Variants in TIMM44 observed in about 807,000 individuals in gnomAD.
TIMM44 encodes translocase of inner mitochondrial membrane 44, also known as mitochondrial import inner membrane translocase subunit TIM44.
In TIMM44, 37 loss-of-function variants were observed where a neutral mutation model predicts 63.8. That is an observed-to-expected ratio of 0.58 (90% CI 0.45 to 0.76). The LOEUF (loss-of-function observed/expected upper bound fraction) is 0.76, where lower values mean the gene tolerates loss of function less well. Ranked by LOEUF, TIMM44 falls within the 30% of genes least tolerant of loss-of-function variation. TIMM44 has a pLI of 0.00. For synonymous variants in TIMM44, 239 were observed against 245.1 expected (o/e 0.98, Z 0.23); for missense variants, 573 against 603.8 (o/e 0.95, Z 0.54).
At chr19:7,930,434 C>T (rs938127830) in intron 10 of TIMM44, among the ~76,000 whole-genome samples, 5 of 151,632 alleles carry the variant, frequency 3.3e-5, no homozygotes, top group Non-Finnish European at 7.4e-5. Flanking sequence ...TCAGCCTCCC[C>T]AGTAGCTGGG....
chr19:7,939,612 C>CAAAA (rs34322159), intron 2 of TIMM44, among the ~76,000 whole-genome samples: 1 of 91,232 alleles, frequency 1.1e-5, no homozygotes. Context: ...GACTCCATCT[C>CAAAA]AAAAAAAAAA....
At chr19:7,935,167 CT>C (rs753419157) in intron 3 of TIMM44, 22 bp from the exon 4 acceptor site, 186,186 of 1,213,234 alleles carry the variant, frequency 0.15, 26 homozygotes, top group East Asian at 0.21. Flanking sequence ...GCGCTGTGTC[CT>C]TTTTTTTTTT....
In TIMM44 at chr19:7,938,010, G is replaced by A; in HGVS notation, c.312+17C>T. ...TCCAGCCTGGGTGAGGGAAAAAAAA[G>A]CAGCAAAGAAACTCACGTATTTCCT... On this transcript the variant is annotated intron_variant, in intron 3 of 12. Transcript: ENST00000270538. 1 of 1,613,800 alleles carries A rather than the reference G, an allele frequency of 6.2e-7. No homozygotes were observed. Among genetic ancestry groups the A allele is most frequent in the South Asian group, 1.1e-5 (1 of 91,080 alleles).
Position 7,933,920 on chromosome 19 carries a change from C to CCGGAA in TIMM44, c.626_627insTTCCG (p.Lys209AsnfsTer55). On this transcript the variant is annotated frameshift_variant, in exon 6 of 13. Coordinates refer to ENST00000270538, the MANE Select transcript of TIMM44 (RefSeq NM_006351.4). LOFTEE classifies it high-confidence loss of function. The surrounding 1 kb of genome is among the most constrained non-coding windows in gnomAD (Gnocchi z 4.3). ...ACTTATCTCCCGCAAACTCCGTTCT[C>CCGGAA]TTCCGGAGTCGCTGGGGCCTCCGGT... 6.2e-7 allele frequency: 1 copy of CCGGAA among 1,614,220 alleles called. No homozygotes were observed. The highest frequency in any genetic ancestry group is 8.5e-7 in the Non-Finnish European group (1 of 1,180,032).
At chr19:7,942,802 A>G in intron 1 of TIMM44, among the ~76,000 whole-genome samples, 1 of 151,576 alleles carries the variant, frequency 6.6e-6, no homozygotes, top group African/African-American at 2.4e-5. Flanking sequence ...TTGGGATTAC[A>G]GGAGCGCGCC....
At chr19:7,931,255 G>A (rs946941506) in intron 9 of TIMM44, 67 bp from the exon 10 acceptor site, 1 of 1,456,574 alleles carries the variant, frequency 6.9e-7, no homozygotes, top group South Asian at 1.1e-5. Context: ...CGAGGTCCTG[G>A]GAACATTCTC....
At chr19:7,941,042 G>A (rs1984293877) in intron 2 of TIMM44, 60 bp downstream of exon 2, 1 of 1,382,828 alleles carries the variant, frequency 7.2e-7, no homozygotes, top group Non-Finnish European at 1.0e-6. Flanking sequence ...TCCTGCCAAT[G>A]GGATCTGAAT....
In TIMM44 at chr19:7,933,942, C is replaced by G; in HGVS notation, c.605G>C (p.Arg202Pro). Residue 202 changes from arginine (R) to proline (P), a missense_variant, in exon 6 of 13, where the codon CGG becomes CCG. Physicochemically the swap from Arg to Pro is moderately radical, Grantham distance 103 (BLOSUM62 -2). Transcript: ENST00000270538. The surrounding 1 kb of genome is among the most constrained non-coding windows in gnomAD (Gnocchi z 4.3). ...DSVLGQTGPY[R>P]RPQRLRKRTE... ...TCTCTTCCGGAGTCGCTGGGGCCTC[C>G]GGTAGGGCCCGGTCTGTCCCAGGAC... 1.2e-6 allele frequency: 2 copies of G among 1,614,154 alleles called. No homozygotes were observed. Among genetic ancestry groups the G allele is most frequent in the Non-Finnish European group, 1.7e-6 (2 of 1,180,036 alleles).
chr19:7,933,600 C>G lies in TIMM44; in HGVS notation c.684-30G>C. The G allele has an allele frequency of 6.3e-7, 1 of 1,598,566 alleles. No homozygotes were observed. Among genetic ancestry groups the G allele is most frequent in the East Asian group, 2.2e-5 (1 of 44,748 alleles). On this transcript the variant is annotated intron_variant, in intron 6 of 12. Transcript: ENST00000270538. The surrounding 1 kb of genome is among the most constrained non-coding windows in gnomAD (Gnocchi z 4.3). ...GGAAGAGGGTGGGCCCTGGGGTGAG[C>G]GGCGGCGCCAGGGCCACCCTGTGCC...
intron 10 of TIMM44, among the ~76,000 whole-genome samples, chr19:7,929,181 T>G (rs752320577): frequency 3.3e-5 from 5 of 152,066 alleles, no homozygotes; most frequent in African/African-American, 7.2e-5. Context: ...AGATGAGAGC[T>G]GGGAGCCCCA....
At chr19:7,927,600 ACAG>A (rs1983849929) in intron 12 of TIMM44, 54 bp downstream of exon 12, 13 of 1,542,156 alleles carry the variant, frequency 8.4e-6, no homozygotes, top group Non-Finnish European at 9.8e-6. Context: ...GTGGCCACAC[ACAG>A]ATCTTGGGGA....
intron 3 of TIMM44, chr19:7,935,364 C>T: frequency 1.9e-6 from 1 of 527,300 alleles, no homozygotes; most frequent in Non-Finnish European, 3.4e-6. Flanking sequence ...AGGGTTTTAC[C>T]ACGTTGGCCA....
chr19:7,933,524 G>A lies in TIMM44; in HGVS notation c.730C>T (p.Gln244Ter), dbSNP rs913687850. The change falls in exon 7 of 13, where the codon CAG (glutamine) becomes TAG (stop). Residue 244 changes from glutamine to a stop codon, truncating the protein, a stop_gained. Transcript: ENST00000270538. LOFTEE classifies it high-confidence loss of function. This position sits in a 1 kb window ranked among gnomAD's most constrained non-coding sequence, Gnocchi z 4.3. The stretch of plus-strand genomic sequence containing the variant: ...TTGTTCTCCTTGAAGTCCTTCCACT[G>A]CTGGTACCACTTGGAGTCCTTGTGC... ...VLHKDSKWYQ[Q>*]WKDFKENNVV... The A allele has an allele frequency of 1.9e-6, 3 of 1,614,102 alleles. No individual in the cohort carries two copies. The highest frequency in any genetic ancestry group is 2.5e-6 in the Non-Finnish European group (3 of 1,180,000).
intron 10 of TIMM44, chr19:7,928,923 C>CAAAAAAAAAAAAAAAAACA (rs1983894754): frequency 1.4e-5 from 1 of 70,092 alleles, no homozygotes. Context: ...AACAAAAAAC[C>CAAAAAAAAAAAAAAAAACA]AAAAAAAAAA....
intron 9 of TIMM44, chr19:7,932,228 A>T (rs2145174613): frequency 3.9e-6 from 1 of 254,498 alleles, no homozygotes; most frequent in Non-Finnish European, 7.7e-6. Flanking sequence ...AGGGAACCTC[A>T]CGGCTGCAGC....
Position 7,927,109 on chromosome 19 carries a change from T to G in TIMM44, c.*78A>C. 4 of 1,536,636 alleles carry G rather than the reference T, an allele frequency of 2.6e-6. No homozygotes were observed. The highest frequency in any genetic ancestry group is 3.5e-6 in the Non-Finnish European group (4 of 1,145,086). ...GCCCGCAGTCTTGTTCCCAGAGGTCTGGAGTTGCCGCAGGTGGTGTTGCGG... is the reference window on the plus strand; with the variant it reads ...GCCCGCAGTCTTGTTCCCAGAGGTCGGGAGTTGCCGCAGGTGGTGTTGCGG... On this transcript the variant is annotated 3_prime_UTR_variant, in exon 13 of 13. Coordinates refer to ENST00000270538, the MANE Select transcript of TIMM44 (RefSeq NM_006351.4).
At chr19:7,929,365 G>GTCGT (rs1243626752) in intron 10 of TIMM44, among the ~76,000 whole-genome samples, 1 of 152,186 alleles carries the variant, frequency 6.6e-6, no homozygotes, top group Non-Finnish European at 1.5e-5. Flanking sequence ...GACTATCGAT[G>GTCGT]TTTTGTTTGG....
chr19:7,939,842 G>A (rs1213629038), intron 2 of TIMM44, among the ~76,000 whole-genome samples: 1 of 152,112 alleles, frequency 6.6e-6, no homozygotes, highest in African/African-American at 2.4e-5. Flanking sequence ...GAACTCGGGA[G>A]GTGGAGGTTG....
chr19:7,942,807 C>A (rs1343629437), intron 1 of TIMM44, among the ~76,000 whole-genome samples: 1 of 151,300 alleles, frequency 6.6e-6, no homozygotes, highest in Non-Finnish European at 1.5e-5. Flanking sequence ...ATTACAGGAG[C>A]GCGCCACCAT....
Sources: gnomAD v4.1 joint callset for allele counts (sites outside exome capture counted in the v4.1 genomes callset) on GRCh38, gnomAD v4.1.1 for gene constraint, Gnocchi (gnomAD v3.1) non-coding constraint, MANE v1.5 for transcripts, NCBI Gene and HGNC (gene_info 2026-07-23, HGNC 2026-07-21) for gene names.